The following SMURF1 variants were observed in gnomAD, a reference collection of about 807,000 sequenced individuals.
SMURF1 encodes the protein E3 ubiquitin-protein ligase SMURF1.
Under a neutral mutation model 98.0 loss-of-function variants are expected in SMURF1, and 44 were observed. The ratio of observed to expected loss-of-function variants is 0.45; its 90% CI spans 0.35 to 0.58. The LOEUF (loss-of-function observed/expected upper bound fraction) is 0.58. Among genes scored for constraint, SMURF1 ranks in the 20% least tolerant of loss-of-function variants. The pLI is 0.00. For synonymous variants in SMURF1, 396 were observed against 374.9 expected (o/e 1.06, Z -0.65); for missense variants, 687 against 938.4 (o/e 0.73, Z 3.50).
intron 2 of SMURF1, 111 bp from the exon 3 acceptor site, chr7:99,060,818 A>G: frequency 6.0e-6 from 4 of 668,790 alleles, no homozygotes; most frequent in Non-Finnish European, 1.0e-5. Flanking sequence ...CAGCAAAATA[A>G]GTTATGTCTA....
chr7:99,086,819 C>T lies in SMURF1; in HGVS notation c.56-24982G>A, dbSNP rs142817923. ...ATTAAAGAAGTCACATACAAAGGAC[C>T]ACATATGCACAATGTCATTTATCGG... On this transcript the variant is annotated intron_variant, in intron 1 of 17. Transcript: ENST00000361368. Among the ~76,000 whole-genome samples the T allele has an allele frequency of 9.9e-5, 15 of 152,220 alleles. No individual in the cohort carries two copies. The East Asian group carries it at 2.3e-3, about 23-fold the overall frequency.
rs1794819721 is a variant in SMURF1 at position 99,029,906 on chromosome 7, C to T, written c.*678G>A. The T allele has an allele frequency of 6.6e-6, 1 of 152,208 alleles. No individual in the cohort carries two copies. Among genetic ancestry groups the T allele is most frequent in the South Asian group, 2.1e-4 (1 of 4,830 alleles). The allele number at this position is 152,208 out of a possible 1,614,324, so 9.4% of individuals were successfully genotyped here. A position where few individuals can be genotyped will look rare whatever the true frequency, so the allele number is the denominator to read the frequency against. On this transcript the variant is annotated 3_prime_UTR_variant, in exon 18 of 18. Coordinates refer to ENST00000361368, the MANE Select transcript of SMURF1 (RefSeq NM_181349.3). ...TTTTCTCTATGTAAAACAAAATTTT[C>T]AGCCAAGATACCCAGAAAAGAAATA...
rs1025209192 is a variant in SMURF1 at position 99,084,872 on chromosome 7, G to A, written c.56-23035C>T. On this transcript the variant is annotated intron_variant, in intron 1 of 17. Coordinates refer to ENST00000361368, the MANE Select transcript of SMURF1 (RefSeq NM_181349.3). Reference sequence around the variant, plus strand: ...AAGTAGGCCTGGTGAGAGGTGATTCGATCATGGGGGTGGGGTTCTCATGAA... The same window carrying A: ...AAGTAGGCCTGGTGAGAGGTGATTCAATCATGGGGGTGGGGTTCTCATGAA... Among the ~76,000 whole-genome samples, 5 of 152,146 alleles carry A rather than the reference G, an allele frequency of 3.3e-5. No individual in the cohort carries two copies. The East Asian group carries it at 7.7e-4, about 23-fold the overall frequency.
chr7:99,050,348 A>G (rs1012756368), intron 8 of SMURF1: 2 of 152,958 alleles, frequency 1.3e-5, no homozygotes, highest in African/African-American at 4.8e-5. Flanking sequence ...CTGAATTCAC[A>G]AGTGTCATTA....
At chr7:99,105,106 T>A (rs1174614985) in intron 1 of SMURF1, among the ~76,000 whole-genome samples, 2 of 152,214 alleles carry the variant, frequency 1.3e-5, no homozygotes. Context: ...CAAGAACCTG[T>A]GATACACACA....
intron 1 of SMURF1, among the ~76,000 whole-genome samples, chr7:99,100,824 G>T (rs1041533503): frequency 1.3e-5 from 2 of 152,152 alleles, no homozygotes; most frequent in African/African-American, 4.8e-5. Flanking sequence ...ATGAAATTTA[G>T]ACATATACAT....
rs756838713 is a variant in SMURF1 at position 99,143,821 on chromosome 7, G to T, written c.-41C>A. The T allele has an allele frequency of 1.4e-6, 2 of 1,467,000 alleles. No homozygotes were observed. Among genetic ancestry groups the T allele is most frequent in the African/African-American group, 1.5e-5 (1 of 67,176 alleles). The allele number at this position is 1,467,000 out of a possible 1,614,324, so 90.9% of individuals were successfully genotyped here. A position where few individuals can be genotyped will look rare whatever the true frequency, so the allele number is the denominator to read the frequency against. On this transcript the variant is annotated 5_prime_UTR_variant, in exon 1 of 18. Transcript: ENST00000361368. Reference sequence around the variant, plus strand: ...GGGCAGCCGCGGATCCAGCGCCACCGCCCCCCAGCCCGGCCCGGCCCGGCC... The same window carrying T: ...GGGCAGCCGCGGATCCAGCGCCACCTCCCCCCAGCCCGGCCCGGCCCGGCC...
At chr7:99,091,871 C>T (rs1276055201) in intron 1 of SMURF1, among the ~76,000 whole-genome samples, 1 of 152,160 alleles carries the variant, frequency 6.6e-6, no homozygotes, top group Admixed American at 6.5e-5. Context: ...TTGCACCAGC[C>T]TAATATCAAT....
intron 1 of SMURF1, among the ~76,000 whole-genome samples, chr7:99,063,247 A>ATATATATATATATATAAGAAGATT: frequency 4.7e-4 from 1 of 2,124 alleles, no homozygotes; most frequent in Non-Finnish European, 1.5e-3. Flanking sequence ...TTATTTATAT[A>ATATATATATATATATAAGAAGATT]TATATATATA....
rs1794841287 is a variant in SMURF1, at chr7:99,030,686, GAA to G, written c.2097-5_2097-4del. ...GTGGAATGTCGATCCGGTTAAAGCT[GAA>G]AAAGGACAAAAGAGAGTCACCGTGT... On this transcript the variant is annotated splice_region_variant and splice_polypyrimidine_tract_variant and intron_variant, in intron 17 of 17. Coordinates refer to ENST00000361368, the MANE Select transcript of SMURF1 (RefSeq NM_181349.3). The G allele has an allele frequency of 6.2e-7, 1 of 1,612,410 alleles. No individual in the cohort carries two copies. The highest frequency in any genetic ancestry group is 8.5e-7 in the Non-Finnish European group (1 of 1,179,144).
At chr7:99,135,957 T>G (rs1797983064) in intron 1 of SMURF1, among the ~76,000 whole-genome samples, 3 of 152,330 alleles carry the variant, frequency 2.0e-5, no homozygotes, top group Admixed American at 2.0e-4. Flanking sequence ...ATTGTTTCAT[T>G]CTTACTTTTA....
intron 1 of SMURF1, among the ~76,000 whole-genome samples, chr7:99,110,862 C>T (rs1475215848): frequency 6.6e-6 from 1 of 152,166 alleles, no homozygotes; most frequent in East Asian, 1.9e-4. Context: ...CTGGTAAATA[C>T]ACAGCCATGA....
intron 16 of SMURF1, 30 bp from the exon 17 acceptor site, chr7:99,033,151 T>G: frequency 6.4e-7 from 1 of 1,553,330 alleles, no homozygotes; most frequent in Non-Finnish European, 8.7e-7. Context: ...GTTAATGTAC[T>G]TCAGAGTTAC....
At chr7:99,106,691 C>T (rs1203094964) in intron 1 of SMURF1, among the ~76,000 whole-genome samples, 1 of 152,124 alleles carries the variant, frequency 6.6e-6, no homozygotes, top group Non-Finnish European at 1.5e-5. Context: ...GAGGCAGGAT[C>T]GCTTGAGCCT....
intron 1 of SMURF1, among the ~76,000 whole-genome samples, chr7:99,123,461 G>T (rs1204163075): frequency 6.6e-6 from 1 of 152,102 alleles, no homozygotes; most frequent in African/African-American, 2.4e-5. Flanking sequence ...TTGAGCCCAG[G>T]AGGTTGAGGC....
chr7:99,065,749 A>G (rs1796172496), intron 1 of SMURF1, among the ~76,000 whole-genome samples: 1 of 152,172 alleles, frequency 6.6e-6, no homozygotes, highest in Admixed American at 6.5e-5. Flanking sequence ...ACCAGCCCCC[A>G]TCAAAGGCAC....
chr7:99,103,240 T>G (rs186449750), intron 1 of SMURF1, among the ~76,000 whole-genome samples: 1 of 152,318 alleles, frequency 6.6e-6, no homozygotes, highest in East Asian at 1.9e-4. Flanking sequence ...TAAACACCTA[T>G]GTATACACCA....
At chr7:99,086,205 G>A (rs1289246458) in intron 1 of SMURF1, among the ~76,000 whole-genome samples, 1 of 152,072 alleles carries the variant, frequency 6.6e-6, no homozygotes, top group African/African-American at 2.4e-5. Context: ...AATTAGCCAG[G>A]CATGGTGACA....
chr7:99,123,763 C>T (rs151090278), intron 1 of SMURF1, among the ~76,000 whole-genome samples: 133 of 152,072 alleles, frequency 8.7e-4, no homozygotes, highest in Non-Finnish European at 1.4e-3. Flanking sequence ...AATCTAGAGA[C>T]AAAAAGGAAA....
Sources: gnomAD v4.1 joint callset for allele counts (sites outside exome capture counted in the v4.1 genomes callset) on GRCh38, gnomAD v4.1.1 for gene constraint, MANE v1.5 for transcripts, NCBI Gene and HGNC (gene_info 2026-07-23, HGNC 2026-07-21) for gene names.